GOLGB1: variants seen among roughly 807,000 people sequenced by gnomAD.
The protein encoded by GOLGB1 is golgin B1.
Under a neutral mutation model 336.9 loss-of-function variants are expected in GOLGB1, and 174 were observed. The ratio of observed to expected loss-of-function variants is 0.52; its 90% CI spans 0.46 to 0.59. The LOEUF (loss-of-function observed/expected upper bound fraction) is 0.59. GOLGB1 is among the 20% of genes least tolerant of loss of function. The probability of loss-of-function intolerance (pLI) is 0.00; values close to 1 mark genes in which losing one functional copy is unlikely to be tolerated. For missense variants in GOLGB1, 3,331 were observed against 3,645.3 expected (o/e 0.91, Z 2.22); for synonymous variants, 1,208 against 1,289.2 (o/e 0.94, Z 1.35).
Position 121,664,208 on chromosome 3 carries a change from T to A in GOLGB1, c.*272A>T. On this transcript the variant is annotated 3_prime_UTR_variant, in exon 22 of 22. Transcript: ENST00000614479. ...CACAAAAGATCAGGGTCCTGCAAAA[T>A]CTCAACAAATATTAGGCTCAACAAA... The A allele has an allele frequency of 2.3e-6, 1 of 428,328 alleles. No individual in the cohort carries two copies. The highest frequency in any genetic ancestry group is 4.2e-6 in the Non-Finnish European group (1 of 236,024). The allele number at this position is 428,328 out of a possible 1,614,324, so 26.5% of individuals were successfully genotyped here. A position where few individuals can be genotyped will look rare whatever the true frequency, so the allele number is the denominator to read the frequency against.
At chr3:121,715,039 T>A (rs1944649682) in intron 9 of GOLGB1, 63 bp from the exon 10 acceptor site, 2 of 890,172 alleles carry the variant, frequency 2.2e-6, no homozygotes. Context: ...GTTATTATTA[T>A]CTTCTAAAGA....
At position 121,692,244 on chromosome 3, in the gene GOLGB1, G is replaced by GT; in HGVS notation, c.7119dup (p.Leu2374ThrfsTer4). On this transcript the variant is annotated frameshift_variant, in exon 14 of 22. Transcript: ENST00000614479. LOFTEE classifies it high-confidence loss of function. ...ATTTCTTCATGCAGCCTACTGGTCA[G>GT]TTCTCTGGAGGCCTGAAGATCAGTC... 6.2e-7 allele frequency: 1 copy of GT among 1,602,368 alleles called. No homozygotes were observed. The highest frequency in any genetic ancestry group is 8.5e-7 in the Non-Finnish European group (1 of 1,176,776).
In GOLGB1 at chr3:121,698,053, G is replaced by T. The variant is rs777840282; in HGVS notation, c.2470C>A (p.Leu824Met). Reference protein sequence around the residue: ...DVKIEVLQNELDDVQLQFSEQ... With the variant: ...DVKIEVLQNEMDDVQLQFSEQ... ...GAAAACTGAAGCTGCACATCATCCA[G>T]TTCATTCTGTAAAACTTCAATTTTC... Residue 824 changes from leucine (L) to methionine (M), a missense_variant, in exon 13 of 22, where the codon CTG becomes ATG. Transcript: ENST00000614479. 8 of 1,614,026 alleles carry T rather than the reference G, an allele frequency of 5.0e-6. No individual in the cohort carries two copies. The Admixed American group carries it at 1.0e-4, about 20-fold the overall frequency.
At chr3:121,714,116 A>G (rs1944567637) in intron 10 of GOLGB1, among the ~76,000 whole-genome samples, 1 of 152,246 alleles carries the variant, frequency 6.6e-6, no homozygotes, top group South Asian at 2.1e-4. Context: ...CCTAGATGCT[A>G]GAAACCAAGA....
At position 121,729,291 on chromosome 3, in the gene GOLGB1, G is replaced by T. The variant is rs748103063; in HGVS notation, c.299C>A (p.Ala100Glu). Residue 100 changes from alanine to glutamate, a missense_variant, in exon 4 of 22, where the codon GCG becomes GAG. Ala to Glu is a moderately radical substitution (Grantham distance 107). Transcript: ENST00000614479. ...ATTCAAAGAAGTTAATTTGGCCTTC[G>T]CATGAAGTTTTAGTTTTTTAATTTT... ...DNKIKKLKLH[A>E]KAKLTSLNKY... 1 of 1,612,198 alleles carries T rather than the reference G, an allele frequency of 6.2e-7. No homozygotes were observed. The highest frequency in any genetic ancestry group is 8.5e-7 in the Non-Finnish European group (1 of 1,178,474).
intron 4 of GOLGB1, among the ~76,000 whole-genome samples, chr3:121,727,291 CACATAT>C (rs1278954915): frequency 3.3e-4 from 17 of 51,140 alleles, no homozygotes; most frequent in African/African-American, 8.7e-4. Flanking sequence ...TACACACACA[CACATAT>C]ATATATATAT....
Position 121,696,862 on chromosome 3 carries a change from G to T in GOLGB1, c.3661C>A (p.Gln1221Lys). 1 of 1,614,092 alleles carries T rather than the reference G, an allele frequency of 6.2e-7. No homozygotes were observed. Residue 1221 changes from glutamine (Q) to lysine (K), a missense_variant, in exon 13 of 22, where the codon CAA becomes AAA. Transcript: ENST00000614479. ...KQQKDDYNRL[Q>K]EQFDEQSKEN... ...TTGCTTTGCTCATCAAACTGTTCTTGCAAGCGATTATAGTCATCTTTCTGT... is the reference window on the plus strand; with the variant it reads ...TTGCTTTGCTCATCAAACTGTTCTTTCAAGCGATTATAGTCATCTTTCTGT...
intron 10 of GOLGB1, among the ~76,000 whole-genome samples, chr3:121,703,938 T>C (rs868058116): frequency 6.6e-6 from 1 of 151,644 alleles, no homozygotes; most frequent in Non-Finnish European, 1.5e-5. Flanking sequence ...GAAATCTTAG[T>C]AAAACAAACA....
chr3:121,714,599 T>C (rs1311175510), intron 10 of GOLGB1, among the ~76,000 whole-genome samples: 5 of 152,144 alleles, frequency 3.3e-5, no homozygotes, highest in Non-Finnish European at 1.5e-5. Context: ...CCGATACAAA[T>C]TGTTAAGACC....
chr3:121,729,772 C>T (rs968071903), intron 3 of GOLGB1, 93 bp downstream of exon 3: 25 of 942,478 alleles, frequency 2.7e-5, no homozygotes, highest in Admixed American at 6.6e-5. Flanking sequence ...ATCAGATTCC[C>T]TAATAATCTA....
chr3:121,684,705 C>A (rs1359286566), intron 14 of GOLGB1, among the ~76,000 whole-genome samples: 6 of 152,174 alleles, frequency 3.9e-5, no homozygotes, highest in Non-Finnish European at 8.8e-5. Context: ...GCAAAACTAT[C>A]AATCAGATAA....
intron 15 of GOLGB1, among the ~76,000 whole-genome samples, chr3:121,678,520 T>C (rs1940681998): frequency 6.6e-6 from 1 of 152,194 alleles, no homozygotes; most frequent in Non-Finnish European, 1.5e-5. Context: ...TCAGCAGCAA[T>C]GTCCAACATG....
Position 121,696,974 on chromosome 3 carries a change from C to G in GOLGB1, c.3549G>C (p.Lys1183Asn), listed in dbSNP as rs975878509. 3 of 1,614,072 alleles carry G rather than the reference C, an allele frequency of 1.9e-6. No homozygotes were observed. Among genetic ancestry groups the G allele is most frequent in the Non-Finnish European group, 2.5e-6 (3 of 1,179,982 alleles). ...GGGAGGTTAAGGCTTCCTGTAGCTT[C>G]TTTTGAAGTTGCTCCTTTTCTTTTT... ...ALEKEKEQLQ[K>N]KLQEALTSRK... The change falls in exon 13 of 22, where the codon AAG becomes AAC. Residue 1183 changes from lysine (K) to asparagine (N), a missense_variant. Physicochemically the swap from Lys to Asn is moderately conservative, Grantham distance 94. Coordinates refer to ENST00000614479, the MANE Select transcript of GOLGB1 (RefSeq NM_001366282.2).
intron 20 of GOLGB1, among the ~76,000 whole-genome samples, chr3:121,665,744 G>A (rs1345237678): frequency 6.6e-6 from 1 of 152,160 alleles, no homozygotes; most frequent in African/African-American, 2.4e-5. Flanking sequence ...TGCCTATAGG[G>A]ATGAACTTTT....
intron 1 of GOLGB1, among the ~76,000 whole-genome samples, chr3:121,733,992 T>C (rs1484290167): frequency 2.6e-5 from 4 of 152,138 alleles, no homozygotes; most frequent in African/African-American, 9.7e-5. Context: ...GCAATGAGCT[T>C]TTAGACACCA....
chr3:121,740,527 G>T (rs1192356272), intron 1 of GOLGB1, among the ~76,000 whole-genome samples: 2 of 152,140 alleles, frequency 1.3e-5, no homozygotes, highest in Non-Finnish European at 2.9e-5. Flanking sequence ...ACCAATGTTG[G>T]TTTCTTAATT....
Position 121,698,708 on chromosome 3 carries a change from C to G in GOLGB1, c.1815G>C (p.Gln605His). ...TTGGAGCTATTCCCTCACCCTCCAT[C>G]TGTTTCATTTCTTTCTGGTCAAGGA... ...HEVLDQKEMK[Q>H]MEGEGIAPIK... Residue 605 changes from glutamine to histidine, a missense_variant, in exon 13 of 22, where the codon CAG becomes CAC. Gln to His is a conservative substitution (Grantham distance 24). Coordinates refer to ENST00000614479, the MANE Select transcript of GOLGB1 (RefSeq NM_001366282.2). The G allele has an allele frequency of 6.2e-7, 1 of 1,613,792 alleles. No individual in the cohort carries two copies. Among genetic ancestry groups the G allele is most frequent in the South Asian group, 1.1e-5 (1 of 91,068 alleles).
Position 121,698,032 on chromosome 3 carries a change from A to C in GOLGB1, c.2491T>G (p.Phe831Val). 1 of 1,614,016 alleles carries C rather than the reference A, an allele frequency of 6.2e-7. No homozygotes were observed. ...QNELDDVQLQFSEQSTLIRSL... is the reference protein window; with the variant it reads ...QNELDDVQLQVSEQSTLIRSL... ...CTTATCAGGGTACTCTGCTCAGAAA[A>C]CTGAAGCTGCACATCATCCAGTTCA... The change falls in exon 13 of 22, where the codon TTT becomes GTT. Residue 831 changes from phenylalanine (F) to valine (V), a missense_variant. Physicochemically the swap from Phe to Val is conservative, Grantham distance 50. Coordinates refer to ENST00000614479, the MANE Select transcript of GOLGB1 (RefSeq NM_001366282.2).
At position 121,696,686 on chromosome 3, in the gene GOLGB1, A is replaced by C; in HGVS notation, c.3837T>G (p.His1279Gln). 6.2e-7 allele frequency: 1 copy of C among 1,614,116 alleles called. No individual in the cohort carries two copies. Among genetic ancestry groups the C allele is most frequent in the Non-Finnish European group, 8.5e-7 (1 of 1,179,998 alleles). ...EEPLFKATEQ[H>Q]HTQPVLESNL... The stretch of plus-strand genomic sequence containing the variant: ...TGGACTCTAAAACAGGTTGAGTGTG[A>C]TGCTGTTCTGTGGCTTTGAATAAAG... Residue 1279 changes from histidine (H) to glutamine (Q), a missense_variant, in exon 13 of 22, where the codon CAT becomes CAG. By Grantham distance (24) the His-to-Gln change is conservative. Coordinates refer to ENST00000614479, the MANE Select transcript of GOLGB1 (RefSeq NM_001366282.2).
Sources: allele counts gnomAD v4.1 joint callset (sites outside exome capture counted in the v4.1 genomes callset), GRCh38; gene constraint gnomAD v4.1.1; transcripts MANE v1.5; gene names NCBI Gene and HGNC (gene_info 2026-07-23, HGNC 2026-07-21).